The following ANO4 variants were observed in gnomAD, a reference collection of about 807,000 sequenced individuals.
ANO4 encodes the protein anoctamin 4, also known as anoctamin-4.
A neutral mutation model predicts 141.9 loss-of-function variants in ANO4; 69 were observed. The observed-to-expected ratio is 0.49, with a 90% CI of 0.40 to 0.59. ANO4 has a LOEUF of 0.59. Among genes scored for constraint, ANO4 ranks in the 20% least tolerant of loss-of-function variants. ANO4 has a pLI of 0.00. For synonymous variants in ANO4, 350 were observed against 394.3 expected (o/e 0.89, Z 1.33); for missense variants, 894 against 1,162.2 (o/e 0.77, Z 3.36).
rs921504432 is a variant in ANO4, at chr12:100,739,901, A to G, written c.154A>G (p.Asn52Asp). 3.0e-5 allele frequency: 21 copies of G among 702,464 alleles called. No individual in the cohort carries two copies. The African/African-American group carries it at 3.7e-4, about 12-fold the overall frequency. The allele number at this position is 702,464 out of a possible 1,614,324, so 43.5% of individuals were successfully genotyped here. ...GGCAATTGGGCTTACCCACTGGAAA[A>G]ATCCATACGTACAAGGCAGACCAAC... The change falls in exon 3 of 30, where the codon AAT (asparagine) becomes GAT (aspartate). Residue 52 changes from asparagine to aspartate, a missense_variant. Coordinates refer to the ANO4 transcript ENST00000644049.
At chr12:100,959,320 C>T (rs2043305383) in intron 5 of ANO4, among the ~76,000 whole-genome samples, 1 of 152,064 alleles carries the variant, frequency 6.6e-6, no homozygotes, top group South Asian at 2.1e-4. Context: ...TAATTGTCTT[C>T]CTCTATCTCT....
intron 3 of ANO4, among the ~76,000 whole-genome samples, chr12:100,782,282 A>G (rs1355952534): frequency 2.0e-5 from 3 of 152,100 alleles, no homozygotes; most frequent in African/African-American, 7.2e-5. Context: ...CCTTCCAATG[A>G]CCATACAAGT....
rs1381988260 is a variant in ANO4 at position 101,039,886 on chromosome 12, C to A, written c.898-69C>A. 12 of 1,527,308 alleles carry A rather than the reference C, an allele frequency of 7.9e-6. No homozygotes were observed. The East Asian group carries it at 2.5e-4, about 32-fold the overall frequency. The allele number at this position is 1,527,308 out of a possible 1,614,324, so 94.6% of individuals were successfully genotyped here. A position where few individuals can be genotyped will look rare whatever the true frequency, so the allele number is the denominator to read the frequency against. On this transcript the variant is annotated intron_variant, in intron 10 of 27. Coordinates refer to ENST00000392977, the MANE Select transcript of ANO4 (RefSeq NM_001286615.2). ...CACAACACCTGCTGTAAGACACTTA[C>A]ATTACCATCAGCATTTCCTTGTGAC...
intron 2 of ANO4, among the ~76,000 whole-genome samples, chr12:100,916,980 TAA>T (rs34313478): frequency 5.1e-5 from 7 of 136,954 alleles, no homozygotes; most frequent in Admixed American, 3.0e-4. Context: ...GTGACTGTCT[TAA>T]AAAAAAAAAA....
At chr12:100,851,800 G>C (rs917090134) in intron 1 of ANO4, among the ~76,000 whole-genome samples, 1 of 152,104 alleles carries the variant, frequency 6.6e-6, no homozygotes, top group Non-Finnish European at 1.5e-5. Context: ...AGACCTGTGG[G>C]GGGAGGGGAG....
Position 100,815,063 on chromosome 12 carries a change from C to CA in ANO4, c.-141+20037dup, listed in dbSNP as rs568368407. ...ATGCCTGGAGGGAATGGGGGAGAAACAGAGAGAGAGAGAGGGCATGAGCAA... is the reference window on the plus strand; with the variant it reads ...ATGCCTGGAGGGAATGGGGGAGAAACAAGAGAGAGAGAGAGGGCATGAGCAA... On this transcript the variant is annotated intron_variant, in intron 1 of 27. Coordinates refer to ENST00000392977, the MANE Select transcript of ANO4 (RefSeq NM_001286615.2). Among the ~76,000 whole-genome samples the CA allele has an allele frequency of 8.0e-4, 120 of 150,938 alleles. 1 individual carries two copies. Among genetic ancestry groups the CA allele is most frequent in the African/African-American group, 2.8e-3 (117 of 41,270 alleles).
chr12:100,902,108 G>T (rs1413962893), intron 2 of ANO4, among the ~76,000 whole-genome samples: 1 of 152,140 alleles, frequency 6.6e-6, no homozygotes, highest in Non-Finnish European at 1.5e-5. Context: ...ATAAACTCTT[G>T]CTCAGTTCAG....
chr12:101,068,325 C>A, intron 14 of ANO4: 1 of 1,244,846 alleles, frequency 8.0e-7, no homozygotes, highest in Non-Finnish European at 1.2e-6. Flanking sequence ...TTCAATGGTC[C>A]TTGAGAGAAG....
At chr12:100,958,919 G>C (rs1032975574) in intron 5 of ANO4, among the ~76,000 whole-genome samples, 1 of 152,092 alleles carries the variant, frequency 6.6e-6, no homozygotes, top group Non-Finnish European at 1.5e-5. Flanking sequence ...GCAGAGTGTG[G>C]GTATGAGAGC....
chr12:100,867,423 G>T (rs2038803744), intron 1 of ANO4, among the ~76,000 whole-genome samples: 1 of 152,168 alleles, frequency 6.6e-6, no homozygotes, highest in South Asian at 2.1e-4. Flanking sequence ...CCAAAGGCAG[G>T]AGAAAACTGA....
At chr12:101,009,707 T>A (rs1203766882) in intron 8 of ANO4, among the ~76,000 whole-genome samples, 1 of 152,140 alleles carries the variant, frequency 6.6e-6, no homozygotes, top group Non-Finnish European at 1.5e-5. Flanking sequence ...GTTCTATGTT[T>A]ACTTATATTA....
intron 3 of ANO4, among the ~76,000 whole-genome samples, chr12:100,929,700 T>A (rs150074444): frequency 0.013 from 1,925 of 152,214 alleles, 43 homozygotes; most frequent in African/African-American, 0.044. Flanking sequence ...CTGTCCTTCA[T>A]AGTGGTTGTA....
At chr12:100,852,552 C>A (rs2037933711) in intron 1 of ANO4, 1 of 152,194 alleles carries the variant, frequency 6.6e-6, no homozygotes, top group Non-Finnish European at 1.5e-5. Flanking sequence ...CAGAAGACAG[C>A]TGAAACTGTC....
At chr12:100,963,679 A>T (rs1282742536) in intron 5 of ANO4, among the ~76,000 whole-genome samples, 1 of 152,208 alleles carries the variant, frequency 6.6e-6, no homozygotes, top group Non-Finnish European at 1.5e-5. Flanking sequence ...ACTGGAGCTC[A>T]TAAAAGTACA....
chr12:100,803,732 A>G (rs994442219), intron 1 of ANO4, among the ~76,000 whole-genome samples: 4 of 152,120 alleles, frequency 2.6e-5, no homozygotes, highest in Non-Finnish European at 4.4e-5. Flanking sequence ...ATTGTCCTCA[A>G]TTATAAAAAT....
intron 5 of ANO4, among the ~76,000 whole-genome samples, chr12:100,961,138 C>T (rs575697378): frequency 8.7e-4 from 133 of 152,148 alleles, no homozygotes; most frequent in Non-Finnish European, 1.6e-3. Flanking sequence ...CTTTGTATCC[C>T]GAGGGTCCAA....
chr12:100,981,743 G>A (rs1243525607), intron 7 of ANO4, among the ~76,000 whole-genome samples: 1 of 152,136 alleles, frequency 6.6e-6, no homozygotes, highest in Non-Finnish European at 1.5e-5. Context: ...TACTTCCTCA[G>A]GCTATGCCCA....
intron 1 of ANO4, among the ~76,000 whole-genome samples, chr12:100,732,069 C>T (rs1358803821): frequency 2.0e-5 from 3 of 152,162 alleles, no homozygotes; most frequent in African/African-American, 4.8e-5. Context: ...TTTGGATGGG[C>T]GTAAGTTTTC....
chr12:100,925,949 G>A (rs1236443034), intron 3 of ANO4, among the ~76,000 whole-genome samples: 2 of 151,642 alleles, frequency 1.3e-5, no homozygotes, highest in Non-Finnish European at 2.9e-5. Flanking sequence ...GAGTGTCTGG[G>A]GTAGGCTGGC....
Sources: allele counts gnomAD v4.1 joint callset (sites outside exome capture counted in the v4.1 genomes callset), GRCh38; gene constraint gnomAD v4.1.1; transcripts MANE v1.5; gene names NCBI Gene and HGNC (gene_info 2026-07-23, HGNC 2026-07-21).